The following DYNC1LI1 variants were observed in gnomAD, a reference collection of about 807,000 sequenced individuals.
DYNC1LI1 encodes the protein dynein cytoplasmic 1 light intermediate chain 1, also known as cytoplasmic dynein 1 light intermediate chain 1.
DYNC1LI1 carries 19 observed loss-of-function variants against 63.8 expected under a neutral mutation model. The observed-to-expected ratio is 0.30, with a 90% confidence interval of 0.21 to 0.44. DYNC1LI1 has a LOEUF of 0.44. Among genes scored for constraint, DYNC1LI1 ranks in the 20% least tolerant of loss-of-function variants. DYNC1LI1 has a pLI of 1.00. For synonymous variants in DYNC1LI1, 225 were observed against 232.3 expected, an observed-to-expected ratio of 0.97 and a Z score of 0.28; for missense variants, 565 against 630.2, an observed-to-expected ratio of 0.90 and a Z score of 1.11.
intron 7 of DYNC1LI1, among the ~76,000 whole-genome samples, chr3:32,533,877 CTTTTTTT>C (rs57075516): frequency 1.5e-5 from 2 of 130,478 alleles, no homozygotes; most frequent in South Asian, 2.4e-4. Context: ...AGGTAACTTT[CTTTTTTT>C]TTTTTTTTTT....
intron 2 of DYNC1LI1, among the ~76,000 whole-genome samples, chr3:32,568,215 G>C (rs1243375703): frequency 6.6e-6 from 1 of 152,124 alleles, no homozygotes; most frequent in Non-Finnish European, 1.5e-5. Flanking sequence ...GCATCCTCCT[G>C]CCTAGCACCT....
At chr3:32,554,890 GAC>G (rs1698091706) in intron 2 of DYNC1LI1, among the ~76,000 whole-genome samples, 1 of 93,066 alleles carries the variant, frequency 1.1e-5, no homozygotes, top group Non-Finnish European at 2.0e-5. Context: ...TTTTTTTTGA[GAC>G]AGACTCTCAC....
intron 3 of DYNC1LI1, chr3:32,545,310 T>C (rs1051227112): frequency 5.2e-6 from 3 of 581,632 alleles, no homozygotes; most frequent in East Asian, 2.8e-5. Flanking sequence ...GTTTAGGCCA[T>C]CTGCTAATTT....
intron 8 of DYNC1LI1, chr3:32,532,024 T>C (rs1156284128): frequency 1.3e-5 from 2 of 152,236 alleles, no homozygotes; most frequent in Non-Finnish European, 2.9e-5. Flanking sequence ...AGATTAGGGA[T>C]AGTCAATTTA....
intron 5 of DYNC1LI1, among the ~76,000 whole-genome samples, chr3:32,538,049 TTA>T (rs1491058395): frequency 2.3e-4 from 1 of 4,324 alleles, no homozygotes; most frequent in Non-Finnish European, 3.1e-4. Flanking sequence ...ATATATATAA[TTA>T]TATATATATA....
intron 11 of DYNC1LI1, among the ~76,000 whole-genome samples, chr3:32,529,246 T>C (rs1697663122): frequency 6.6e-6 from 1 of 152,206 alleles, no homozygotes; most frequent in African/African-American, 2.4e-5. Context: ...TATAGTTTTT[T>C]CCTTTATGTT....
At chr3:32,570,072 T>G in intron 2 of DYNC1LI1, 1 of 574,962 alleles carries the variant, frequency 1.7e-6, no homozygotes, top group Non-Finnish European at 3.1e-6. Flanking sequence ...AGATGAGCGA[T>G]CGAATTCTGT....
chr3:32,561,925 C>A, intron 2 of DYNC1LI1, among the ~76,000 whole-genome samples: 1 of 149,936 alleles, frequency 6.7e-6, no homozygotes. Context: ...TGATTGCAAA[C>A]AAATAATATA....
At position 32,530,481 on chromosome 3, in the gene DYNC1LI1, C is replaced by A; in HGVS notation, c.1120G>T (p.Val374Leu). The A allele has an allele frequency of 6.2e-7, 1 of 1,613,402 alleles. No individual in the cohort carries two copies. Among genetic ancestry groups the A allele is most frequent in the Non-Finnish European group, 8.5e-7 (1 of 1,179,860 alleles). ...EKEIMAEDDQ[V>L]FLMKLQSLLA... ...CATACCTGTAGCTTCATAAGAAACA[C>A]CTGATCATCTTCTGCCATAATTTCC... The change falls in exon 9 of 13, where the codon GTG becomes TTG. Residue 374 changes from valine (V) to leucine (L), a missense_variant. Physicochemically the swap from Val to Leu is conservative, Grantham distance 32 (BLOSUM62 1). Transcript: ENST00000273130.
chr3:32,537,432 C>T (rs574788871), intron 5 of DYNC1LI1, among the ~76,000 whole-genome samples: 26 of 152,212 alleles, frequency 1.7e-4, no homozygotes, highest in African/African-American at 6.3e-4. Context: ...AACTCAACTA[C>T]TTATAACCTG....
At position 32,526,828 on chromosome 3, in the gene DYNC1LI1, T is replaced by C; in HGVS notation, c.1543A>G (p.Thr515Ala). Reference protein sequence around the residue: ...KPVTVSPTTPTSPTEGEAS With the variant: ...KPVTVSPTTPASPTEGEAS Reference sequence around the variant, plus strand: ...GAAGCTTCTCCTTCCGTAGGAGATGTAGGTGTTGTGGGAGAAACTGTAACT... The same window carrying C: ...GAAGCTTCTCCTTCCGTAGGAGATGCAGGTGTTGTGGGAGAAACTGTAACT... Residue 515 changes from threonine to alanine, a missense_variant, in exon 13 of 13, where the codon ACA becomes GCA. Physicochemically the swap from Thr to Ala is moderately conservative, Grantham distance 58. Transcript: ENST00000273130. 1 of 1,613,504 alleles carries C rather than the reference T, an allele frequency of 6.2e-7. No individual in the cohort carries two copies. Among genetic ancestry groups the C allele is most frequent in the Non-Finnish European group, 8.5e-7 (1 of 1,179,426 alleles).
chr3:32,545,808 C>G, intron 3 of DYNC1LI1, 41 bp downstream of exon 3: 2 of 1,428,688 alleles, frequency 1.4e-6, no homozygotes, highest in East Asian at 2.3e-5. Flanking sequence ...CAGTGCACCT[C>G]AAAATAGACT....
In DYNC1LI1 at chr3:32,538,009, A is replaced by T. The variant is rs1243231749; in HGVS notation, c.739-905T>A. On this transcript the variant is annotated intron_variant, in intron 5 of 12. Transcript: ENST00000273130. The stretch of plus-strand genomic sequence containing the variant: ...TATATATATATAATTTATATATATA[A>T]TATATATATATAATTTATATATATA... Among the ~76,000 whole-genome samples the T allele has an allele frequency of 4.1e-4, 9 of 21,796 alleles. 1 individual carries two copies. The highest frequency in any genetic ancestry group is 9.0e-4 in the Admixed American group (1 of 1,116). 14.3% of individuals were successfully genotyped at this position (21,796 alleles called of 152,430 possible).
At chr3:32,542,247 G>A (rs1160415715) in intron 4 of DYNC1LI1, among the ~76,000 whole-genome samples, 1 of 152,008 alleles carries the variant, frequency 6.6e-6, no homozygotes, top group Non-Finnish European at 1.5e-5. Context: ...GTAGCTACAG[G>A]CATGTGCCAC....
At chr3:32,545,569 T>C in intron 3 of DYNC1LI1, 3 of 396,714 alleles carry the variant, frequency 7.6e-6, no homozygotes, top group Non-Finnish European at 1.3e-5. Context: ...AACAAAACAA[T>C]CACTATCTGA....
intron 2 of DYNC1LI1, among the ~76,000 whole-genome samples, chr3:32,561,835 C>T (rs1479433340): frequency 6.7e-6 from 1 of 149,692 alleles, no homozygotes. Flanking sequence ...AGTCAATAAA[C>T]AAAGCCGTAT....
intron 2 of DYNC1LI1, among the ~76,000 whole-genome samples, chr3:32,555,411 A>G (rs1168831558): frequency 6.6e-6 from 1 of 152,234 alleles, no homozygotes; most frequent in Non-Finnish European, 1.5e-5. Context: ...TTCTGTAAAC[A>G]AAATCCCACT....
chr3:32,570,773 T>C lies in DYNC1LI1; in HGVS notation c.-3A>G. ...CCGACTCGCCCCACGGCCGCCATCT[T>C]GGTCGGGAATCACACCACTCCCGGC... On this transcript the variant is annotated 5_prime_UTR_variant, in exon 1 of 13. Transcript: ENST00000273130. The C allele has an allele frequency of 6.3e-7, 1 of 1,598,570 alleles. No individual in the cohort carries two copies. The highest frequency in any genetic ancestry group is 8.5e-7 in the Non-Finnish European group (1 of 1,172,458).
intron 2 of DYNC1LI1, among the ~76,000 whole-genome samples, chr3:32,558,219 C>T (rs1698141400): frequency 6.6e-6 from 1 of 151,834 alleles, no homozygotes; most frequent in African/African-American, 2.4e-5. Context: ...GGCAACAGAG[C>T]AAGACCCTGT....
Sources: gnomAD v4.1 joint callset for allele counts (sites outside exome capture counted in the v4.1 genomes callset) on GRCh38, gnomAD v4.1.1 for gene constraint, MANE v1.5 for transcripts, NCBI Gene and HGNC (gene_info 2026-07-23, HGNC 2026-07-21) for gene names.